The following ACVR2A variants were observed in gnomAD, a reference collection of about 807,000 sequenced individuals.
The protein encoded by ACVR2A is activin receptor type-2A.
A neutral mutation model predicts 61.4 loss-of-function variants in ACVR2A; 7 were observed. The observed-to-expected ratio is 0.11, with a 90% CI of 0.06 to 0.21. ACVR2A has a LOEUF of 0.21. Ranked by LOEUF, ACVR2A falls within the 10% of genes least tolerant of loss-of-function variation. The probability of loss-of-function intolerance (pLI) is 1.00; values close to 1 mark genes in which losing one functional copy is unlikely to be tolerated. For synonymous variants in ACVR2A, 193 were observed against 208.3 expected, an observed-to-expected ratio of 0.93 and a Z score of 0.63; for missense variants, 322 against 621.7, an observed-to-expected ratio of 0.52 and a Z score of 5.13.
chr2:147,876,463 A>C (rs928096018), intron 1 of ACVR2A, among the ~76,000 whole-genome samples: 4 of 151,964 alleles, frequency 2.6e-5, no homozygotes, highest in Admixed American at 6.6e-5. Context: ...GCCTTGAGGC[A>C]TATGCCTCAA....
intron 1 of ACVR2A, among the ~76,000 whole-genome samples, chr2:147,856,612 A>T (rs896909783): frequency 8.5e-5 from 13 of 152,180 alleles, no homozygotes; most frequent in African/African-American, 2.7e-4. Context: ...TGAACTTGTA[A>T]TAATTACTAA....
chr2:147,917,010 GAC>G (rs1687262006), intron 5 of ACVR2A, among the ~76,000 whole-genome samples: 1 of 151,886 alleles, frequency 6.6e-6, no homozygotes, highest in Non-Finnish European at 1.5e-5. Context: ...GCCATTGTAA[GAC>G]ACAGAATGCA....
intron 8 of ACVR2A, among the ~76,000 whole-genome samples, chr2:147,921,540 T>G (rs1490816534): frequency 6.6e-6 from 1 of 152,184 alleles, no homozygotes. Context: ...ACCACCAATT[T>G]TGGCAGTATT....
chr2:147,920,946 G>A (rs1215042943), intron 8 of ACVR2A, among the ~76,000 whole-genome samples: 1 of 152,116 alleles, frequency 6.6e-6, no homozygotes, highest in Admixed American at 6.5e-5. Flanking sequence ...GGCCAAAAGG[G>A]AAAAGAACAT....
chr2:147,883,212 C>T (rs770543378), intron 1 of ACVR2A, among the ~76,000 whole-genome samples: 10 of 152,132 alleles, frequency 6.6e-5, no homozygotes, highest in South Asian at 6.2e-4. Context: ...TTTTTTGAGA[C>T]GGAGTTTTGC....
intron 1 of ACVR2A, among the ~76,000 whole-genome samples, chr2:147,858,448 C>T (rs1225488365): frequency 6.6e-6 from 1 of 152,144 alleles, no homozygotes; most frequent in East Asian, 1.9e-4. Flanking sequence ...ACCTTAAAGG[C>T]TCTGTATGAT....
intron 4 of ACVR2A, among the ~76,000 whole-genome samples, chr2:147,910,225 G>A (rs948329803): frequency 1.3e-5 from 2 of 152,094 alleles, no homozygotes; most frequent in African/African-American, 2.4e-5. Flanking sequence ...CTTGGGAAAT[G>A]TATTGGGCAG....
chr2:147,870,901 T>G (rs1211478260), intron 1 of ACVR2A, among the ~76,000 whole-genome samples: 1 of 151,720 alleles, frequency 6.6e-6, no homozygotes, highest in Non-Finnish European at 1.5e-5. Context: ...CTATGAAGCC[T>G]TTTTTAATTA....
At chr2:147,916,659 C>A (rs1228331356) in intron 5 of ACVR2A, among the ~76,000 whole-genome samples, 7 of 151,776 alleles carry the variant, frequency 4.6e-5, no homozygotes, top group Admixed American at 1.3e-4. Context: ...CATAGTGCCT[C>A]TTACTATTAT....
intron 1 of ACVR2A, among the ~76,000 whole-genome samples, chr2:147,894,376 A>G (rs1686672769): frequency 6.6e-6 from 1 of 152,174 alleles, no homozygotes; most frequent in Non-Finnish European, 1.5e-5. Flanking sequence ...TAGACAAGAC[A>G]TAATTTTGTA....
intron 1 of ACVR2A, among the ~76,000 whole-genome samples, chr2:147,850,677 A>T (rs906272226): frequency 6.6e-6 from 1 of 152,112 alleles, no homozygotes; most frequent in Non-Finnish European, 1.5e-5. Context: ...ACTATTGAAC[A>T]TGAAAATTCC....
At position 147,920,334 on chromosome 2, in the gene ACVR2A, C is replaced by T. The variant is rs1354318591; in HGVS notation, c.1067C>T (p.Thr356Ile). 6.2e-7 allele frequency: 1 copy of T among 1,610,386 alleles called. No homozygotes were observed. Among genetic ancestry groups the T allele is most frequent in the Non-Finnish European group, 8.5e-7 (1 of 1,177,316 alleles). The change falls in exon 8 of 11, where the codon ACC (threonine) becomes ATC (isoleucine). Residue 356 changes from threonine (T) to isoleucine (I), a missense_variant. Physicochemically the swap from Thr to Ile is moderately conservative, Grantham distance 89 (BLOSUM62 -1). This residue lies in a region of ACVR2A where 146 missense variants were observed against 383.8 expected (regional missense o/e 0.38). Coordinates refer to ENST00000241416, the MANE Select transcript of ACVR2A (RefSeq NM_001616.5). ...KFEAGKSAGD[T>I]HGQVGTRRYM... The stretch of plus-strand genomic sequence containing the variant: ...GAGGCTGGCAAGTCTGCAGGCGATA[C>T]CCATGGACAGGTAAGGATGATGATT...
chr2:147,893,936 C>T (rs568084161), intron 1 of ACVR2A, among the ~76,000 whole-genome samples: 13 of 152,102 alleles, frequency 8.5e-5, no homozygotes, highest in South Asian at 2.1e-4. Context: ...AGAAATCTTT[C>T]GTAATTCAGG....
At chr2:147,888,710 G>T in intron 1 of ACVR2A, among the ~76,000 whole-genome samples, 1 of 148,888 alleles carries the variant, frequency 6.7e-6, no homozygotes, top group African/African-American at 2.5e-5. Context: ...AGATTCCTTC[G>T]GAATTCCTCC....
chr2:147,879,973 TTTG>T (rs1270525570), intron 1 of ACVR2A, among the ~76,000 whole-genome samples: 2 of 152,188 alleles, frequency 1.3e-5, no homozygotes, highest in African/African-American at 4.8e-5. Flanking sequence ...GATGTTCTTT[TTTG>T]TTGTTGTTTC....
In ACVR2A at chr2:147,896,320, A is replaced by C; in HGVS notation, c.75A>C (p.Ser25=). 1 of 1,613,820 alleles carries C rather than the reference A, an allele frequency of 6.2e-7. No homozygotes were observed. The highest frequency in any genetic ancestry group is 8.5e-7 in the Non-Finnish European group (1 of 1,179,800). The part of the protein sequence containing the change: ...SCSSGAILGR[S]ETQECLFFNA... ...TTATAGGTGCTATACTTGGTAGATCAGAAACTCAGGAGTGTCTTTTCTTTA... is the reference window on the plus strand; with the variant it reads ...TTATAGGTGCTATACTTGGTAGATCCGAAACTCAGGAGTGTCTTTTCTTTA... The change falls in exon 2 of 11, where the codon TCA becomes TCC. Residue 25 remains serine (S), a synonymous_variant. Coordinates refer to ENST00000241416, the MANE Select transcript of ACVR2A (RefSeq NM_001616.5).
rs749020937 is a variant in ACVR2A, at chr2:147,905,857, G to T, written c.528+5959G>T. ...GTGTCCAAAAGCAAAAAGGGAGGAAGGGGAGAAAGTAGAAAATTTAAACCT... is the reference window on the plus strand; with the variant it reads ...GTGTCCAAAAGCAAAAAGGGAGGAATGGGAGAAAGTAGAAAATTTAAACCT... On this transcript the variant is annotated intron_variant, in intron 4 of 10. Transcript: ENST00000241416. Among the ~76,000 whole-genome samples, 5 of 152,192 alleles carry T rather than the reference G, an allele frequency of 3.3e-5. No individual in the cohort carries two copies. The East Asian group carries it at 9.7e-4, about 29-fold the overall frequency.
At chr2:147,857,038 G>A (rs756118235) in intron 1 of ACVR2A, among the ~76,000 whole-genome samples, 33 of 152,058 alleles carry the variant, frequency 2.2e-4, no homozygotes, top group Admixed American at 4.6e-4. Flanking sequence ...CTAACAAACT[G>A]TCAGGTACTA....
At chr2:147,887,236 G>A (rs1156314917) in intron 1 of ACVR2A, among the ~76,000 whole-genome samples, 2 of 151,696 alleles carry the variant, frequency 1.3e-5, no homozygotes, top group Non-Finnish European at 2.9e-5. Context: ...GTTTAAAGAA[G>A]GGAAACTAGT....
Sources: gnomAD v4.1 joint callset for allele counts (sites outside exome capture counted in the v4.1 genomes callset) on GRCh38, gnomAD v4.1.1 for gene constraint, gnomAD v4.1.1 regional missense constraint, MANE v1.5 for transcripts, NCBI Gene and HGNC (gene_info 2026-07-23, HGNC 2026-07-21) for gene names.